The following FGF14 variants were observed in gnomAD, a reference collection of about 807,000 sequenced individuals.
FGF14 encodes the protein fibroblast growth factor homologous factor 4.
A neutral mutation model predicts 25.5 loss-of-function variants in FGF14; 5 were observed. That is an observed-to-expected ratio of 0.20 (90% confidence interval 0.10 to 0.41). FGF14 has a LOEUF of 0.41. Among genes scored for constraint, FGF14 ranks in the 10% least tolerant of loss-of-function variants. The pLI, the probability that FGF14 is intolerant of heterozygous loss-of-function variation, is 1.00. For synonymous variants in FGF14, 138 were observed against 118.3 expected, an observed-to-expected ratio of 1.17 and a Z score of -1.08; for missense variants, 222 against 320.1, an observed-to-expected ratio of 0.69 and a Z score of 2.34.
chr13:101,731,462 G>A (rs2035808400), intron 3 of FGF14, among the ~76,000 whole-genome samples: 1 of 152,144 alleles, frequency 6.6e-6, no homozygotes, highest in Middle Eastern at 3.2e-3. Flanking sequence ...CAAGTCATAG[G>A]ATAGAAAAAT....
chr13:101,907,359 A>G (rs977884605), intron 1 of FGF14, among the ~76,000 whole-genome samples: 2 of 152,182 alleles, frequency 1.3e-5, no homozygotes, highest in Admixed American at 6.6e-5. Flanking sequence ...TATCGTCACT[A>G]TAAAAAGATG....
At chr13:102,044,626 T>A (rs1003680574) in intron 1 of FGF14, among the ~76,000 whole-genome samples, 5 of 152,176 alleles carry the variant, frequency 3.3e-5, no homozygotes, top group African/African-American at 1.2e-4. Context: ...AAAAACTGCC[T>A]TAAAGTGATC....
At chr13:101,768,638 C>T (rs1445114896) in intron 3 of FGF14, among the ~76,000 whole-genome samples, 2 of 152,016 alleles carry the variant, frequency 1.3e-5, no homozygotes, top group Non-Finnish European at 2.9e-5. Flanking sequence ...CAATGGAGCA[C>T]AGGAAAGAGC....
chr13:102,282,826 C>G (rs1196397823), intron 1 of FGF14, among the ~76,000 whole-genome samples: 1 of 148,790 alleles, frequency 6.7e-6, no homozygotes, highest in African/African-American at 2.5e-5. Flanking sequence ...CATAGCTATC[C>G]AATAAAAGTT....
At chr13:102,378,719 A>G (rs1176895887) in intron 1 of FGF14, among the ~76,000 whole-genome samples, 2 of 151,960 alleles carry the variant, frequency 1.3e-5, no homozygotes, top group Non-Finnish European at 2.9e-5. Flanking sequence ...AAAAAAACAA[A>G]AAGAATCCTG....
chr13:102,019,770 G>A (rs985794407), intron 1 of FGF14, among the ~76,000 whole-genome samples: 1 of 152,224 alleles, frequency 6.6e-6, no homozygotes, highest in South Asian at 2.1e-4. Context: ...GCTTGTTTAT[G>A]CAAGAACTGC....
At chr13:101,925,695 C>T (rs1052774130) in intron 1 of FGF14, among the ~76,000 whole-genome samples, 2 of 152,078 alleles carry the variant, frequency 1.3e-5, no homozygotes, top group African/African-American at 2.4e-5. Flanking sequence ...AAATTATTCC[C>T]GAGTCTTTCT....
intron 3 of FGF14, among the ~76,000 whole-genome samples, chr13:101,730,519 T>C (rs1168074948): frequency 6.6e-6 from 1 of 152,168 alleles, no homozygotes; most frequent in Non-Finnish European, 1.5e-5. Context: ...TGGCATGAAT[T>C]TTTAAAAGGT....
chr13:101,865,631 A>G (rs1424942616), intron 3 of FGF14, among the ~76,000 whole-genome samples: 2 of 152,108 alleles, frequency 1.3e-5, no homozygotes, highest in Non-Finnish European at 2.9e-5. Flanking sequence ...CTGTCTCCAG[A>G]AGGTGGAATT....
intron 1 of FGF14, among the ~76,000 whole-genome samples, chr13:102,387,428 GAGCCACAGC>G (rs1470498231): frequency 6.6e-6 from 1 of 151,836 alleles, no homozygotes; most frequent in Non-Finnish European, 1.5e-5. Context: ...ATCAACACTA[GAGCCACAGC>G]AGCATGCTGG....
intron 3 of FGF14, among the ~76,000 whole-genome samples, chr13:101,828,134 G>T (rs1386279265): frequency 6.6e-6 from 1 of 151,802 alleles, no homozygotes; most frequent in Non-Finnish European, 1.5e-5. Context: ...ATCACATACA[G>T]ATATTGTTCT....
At chr13:101,770,831 G>C (rs935105288) in intron 3 of FGF14, among the ~76,000 whole-genome samples, 10 of 152,186 alleles carry the variant, frequency 6.6e-5, no homozygotes, top group South Asian at 6.2e-4. Context: ...ATCTACTGCA[G>C]TGTTCTAGGA....
At chr13:102,148,727 G>A (rs537475566) in intron 1 of FGF14, among the ~76,000 whole-genome samples, 11 of 152,076 alleles carry the variant, frequency 7.2e-5, no homozygotes, top group African/African-American at 1.2e-4. Flanking sequence ...GGAGGTGGAC[G>A]TTGCAGTGAG....
chr13:102,392,823 GCTCTTC>G (rs1262513805), intron 1 of FGF14, among the ~76,000 whole-genome samples: 1 of 152,128 alleles, frequency 6.6e-6, no homozygotes, highest in Non-Finnish European at 1.5e-5. Context: ...ACTGCTCACT[GCTCTTC>G]CTCCCTGGTC....
intron 1 of FGF14, among the ~76,000 whole-genome samples, chr13:102,096,514 T>C (rs188580654): frequency 3.3e-4 from 50 of 152,274 alleles, no homozygotes; most frequent in Admixed American, 2.7e-3. Context: ...CACTGAAAAC[T>C]TAATATGCGC....
chr13:102,203,916 G>C (rs1416494070), intron 1 of FGF14, among the ~76,000 whole-genome samples: 10 of 152,170 alleles, frequency 6.6e-5, no homozygotes, highest in Admixed American at 6.5e-4. Context: ...TCTGTGCACT[G>C]TTCACTTAAT....
At position 101,824,744 on chromosome 13, in the gene FGF14, G is replaced by A. The variant is rs571349355; in HGVS notation, c.408+43981C>T. ...GCCAGAGGAACCGACCACGTGATTT[G>A]AGGATTCCAGCTTTCGGCCTCATTC... On this transcript the variant is annotated intron_variant, in intron 3 of 4. Transcript: ENST00000376143. Among the ~76,000 whole-genome samples, 7 of 152,300 alleles carry A rather than the reference G, an allele frequency of 4.6e-5. No individual in the cohort carries two copies. The South Asian group carries it at 1.5e-3, about 32-fold the overall frequency.
In FGF14 at chr13:102,230,015, C is replaced by T. The variant is rs142604820; in HGVS notation, c.208+171456G>A. On this transcript the variant is annotated intron_variant, in intron 1 of 4. Coordinates refer to the FGF14 transcript ENST00000376131. ...AATGTTTACATTCCTCCAAAATTTA[C>T]GTATTGCAATCCTCACCCCCAAGGT... is the stretch of plus-strand genomic sequence containing the variant. Among the ~76,000 whole-genome samples, 388 of 152,238 alleles carry T rather than the reference C, an allele frequency of 2.5e-3. 1 individual carries two copies. Among genetic ancestry groups the T allele is most frequent in the South Asian group, 0.017 (84 of 4,830 alleles).
At chr13:102,135,563 T>C (rs1044682318) in intron 1 of FGF14, among the ~76,000 whole-genome samples, 3 of 152,252 alleles carry the variant, frequency 2.0e-5, no homozygotes, top group Non-Finnish European at 2.9e-5. Context: ...ACTAGGACTT[T>C]GGTTAACAGC....
Sources: gnomAD v4.1 joint callset for allele counts (sites outside exome capture counted in the v4.1 genomes callset) on GRCh38, gnomAD v4.1.1 for gene constraint, MANE v1.5 for transcripts, NCBI Gene and HGNC (gene_info 2026-07-23, HGNC 2026-07-21) for gene names.